DOK6: variants seen among roughly 807,000 people sequenced by gnomAD.
DOK6 encodes downstream of tyrosine kinase 6.
Under a neutral mutation model 44.0 loss-of-function variants are expected in DOK6, and 22 were observed. The ratio of observed to expected loss-of-function variants is 0.50; its 90% CI spans 0.36 to 0.71. The LOEUF (loss-of-function observed/expected upper bound fraction) is 0.71, where lower values mean the gene tolerates loss of function less well. Among genes scored for constraint, DOK6 ranks in the 30% least tolerant of loss-of-function variants. The pLI, the probability that DOK6 is intolerant of heterozygous loss-of-function variation, is 0.00. For synonymous variants in DOK6, 166 were observed against 145.5 expected (o/e 1.14, Z -1.01); for missense variants, 340 against 416.4 (o/e 0.82, Z 1.60).
At chr18:69,772,008 T>TA (rs34816663) in intron 7 of DOK6, among the ~76,000 whole-genome samples, 2,661 of 111,654 alleles carry the variant, frequency 0.024, 44 homozygotes, top group African/African-American at 0.048. Flanking sequence ...GAGACCTCAG[T>TA]AAAAAAAAAA....
chr18:69,487,106 C>T (rs998931651), intron 1 of DOK6, among the ~76,000 whole-genome samples: 5 of 151,356 alleles, frequency 3.3e-5, no homozygotes, highest in African/African-American at 9.7e-5. Context: ...TGCACCTGTA[C>T]GGTGTCAGTT....
intron 1 of DOK6, among the ~76,000 whole-genome samples, chr18:69,456,085 T>C (rs1021873090): frequency 6.6e-6 from 1 of 152,194 alleles, no homozygotes; most frequent in Non-Finnish European, 1.5e-5. Context: ...CATTCACCCA[T>C]TGTAGTCAAG....
At chr18:69,453,692 A>G (rs1230860426) in intron 1 of DOK6, among the ~76,000 whole-genome samples, 1 of 65,120 alleles carries the variant, frequency 1.5e-5, no homozygotes, top group Non-Finnish European at 2.6e-5. Flanking sequence ...ACAGCATGGT[A>G]CTGGTACCAA....
chr18:69,801,012 A>G (rs1278354231), intron 7 of DOK6, among the ~76,000 whole-genome samples: 1 of 152,208 alleles, frequency 6.6e-6, no homozygotes, highest in Non-Finnish European at 1.5e-5. Flanking sequence ...TTTAAAATTG[A>G]TTCATATCTC....
intron 7 of DOK6, among the ~76,000 whole-genome samples, chr18:69,819,107 G>A (rs1055929172): frequency 3.3e-5 from 5 of 152,058 alleles, no homozygotes; most frequent in Admixed American, 6.6e-5. Context: ...AGTACACAAG[G>A]GTATTAGGCA....
At chr18:69,445,203 G>C (rs1227681736) in intron 1 of DOK6, among the ~76,000 whole-genome samples, 2 of 151,972 alleles carry the variant, frequency 1.3e-5, no homozygotes, top group Non-Finnish European at 2.9e-5. Context: ...TTGCTTTTTA[G>C]TTTAATAGAT....
chr18:69,602,965 C>A (rs1330093271), intron 3 of DOK6, among the ~76,000 whole-genome samples: 2 of 152,124 alleles, frequency 1.3e-5, no homozygotes, highest in African/African-American at 4.8e-5. Context: ...AATGACAATA[C>A]TAAAATCATT....
intron 3 of DOK6, among the ~76,000 whole-genome samples, chr18:69,617,698 C>T (rs1387177007): frequency 3.9e-5 from 1 of 25,726 alleles, no homozygotes; most frequent in South Asian, 2.1e-3. Context: ...AAAGAAAAGA[C>T]GGAAAGAGAA....
At chr18:69,716,312 A>G (rs2144719632) in intron 5 of DOK6, among the ~76,000 whole-genome samples, 1 of 152,356 alleles carries the variant, frequency 6.6e-6, no homozygotes, top group East Asian at 1.9e-4. Context: ...AGGGGTCAAC[A>G]GGAAATATTT....
At chr18:69,480,492 A>G (rs991689664) in intron 1 of DOK6, among the ~76,000 whole-genome samples, 2 of 152,206 alleles carry the variant, frequency 1.3e-5, no homozygotes, top group Non-Finnish European at 2.9e-5. Flanking sequence ...AAATATACCT[A>G]AAATATTTTA....
At chr18:69,675,801 T>A (rs1599257276) in intron 3 of DOK6, among the ~76,000 whole-genome samples, 1 of 152,308 alleles carries the variant, frequency 6.6e-6, no homozygotes, top group East Asian at 1.9e-4. Context: ...ATATTTTAAA[T>A]CTTGTATACA....
chr18:69,628,576 A>T (rs1984614088), intron 3 of DOK6, among the ~76,000 whole-genome samples: 1 of 152,166 alleles, frequency 6.6e-6, no homozygotes, highest in Non-Finnish European at 1.5e-5. Context: ...CAGAGCAGTT[A>T]ATGTTTTGAT....
intron 3 of DOK6, among the ~76,000 whole-genome samples, chr18:69,669,108 T>A (rs1985732370): frequency 6.6e-6 from 1 of 152,218 alleles, no homozygotes. Context: ...CTCTCTTTGC[T>A]TTTATTCTTT....
intron 1 of DOK6, among the ~76,000 whole-genome samples, chr18:69,416,248 A>G (rs1423808449): frequency 1.3e-5 from 2 of 152,080 alleles, no homozygotes; most frequent in Admixed American, 6.6e-5. Context: ...GGGTGGGAGC[A>G]AGGAACAAAC....
At chr18:69,404,788 T>G (rs973665111) in intron 1 of DOK6, among the ~76,000 whole-genome samples, 1 of 22,052 alleles carries the variant, frequency 4.5e-5, no homozygotes, top group Non-Finnish European at 1.3e-4. Flanking sequence ...GATAGGGTGG[T>G]GTGTGTGTGT....
chr18:69,506,428 C>T (rs1288147204), intron 1 of DOK6, among the ~76,000 whole-genome samples: 3 of 152,142 alleles, frequency 2.0e-5, no homozygotes, highest in African/African-American at 4.8e-5. Flanking sequence ...TCCCTAACCC[C>T]TGACAACCTA....
At chr18:69,488,969 T>C (rs770806137) in intron 1 of DOK6, among the ~76,000 whole-genome samples, 3 of 152,242 alleles carry the variant, frequency 2.0e-5, no homozygotes, top group South Asian at 2.1e-4. Flanking sequence ...TCTGATTGGC[T>C]CAGCTCTTAT....
At chr18:69,812,145 G>A (rs1452153766) in intron 7 of DOK6, among the ~76,000 whole-genome samples, 2 of 152,080 alleles carry the variant, frequency 1.3e-5, no homozygotes, top group Non-Finnish European at 1.5e-5. Context: ...ACAGTGAAGG[G>A]AAAATTAACC....
At chr18:69,729,457 T>C (rs141248560) in intron 5 of DOK6, among the ~76,000 whole-genome samples, 1 of 152,338 alleles carries the variant, frequency 6.6e-6, no homozygotes, top group African/African-American at 2.4e-5. Context: ...AGTGAAGGTT[T>C]TATTTTCAAA....
Sources: allele counts gnomAD v4.1 joint callset (sites outside exome capture counted in the v4.1 genomes callset), GRCh38; gene constraint gnomAD v4.1.1; transcripts MANE v1.5; gene names NCBI Gene and HGNC (gene_info 2026-07-23, HGNC 2026-07-21).